Variants in NHS observed in about 807,000 individuals in gnomAD.
The protein encoded by NHS is actin remodeling regulator NHS.
A neutral mutation model predicts 72.5 loss-of-function variants in NHS; 5 were observed. The observed-to-expected ratio is 0.07, with a 90% CI of 0.04 to 0.14. NHS has a LOEUF of 0.14. NHS is among the 10% of genes least tolerant of loss of function. The pLI is 1.00. For missense variants in NHS, 1,072 were observed against 1,355.7 expected (o/e 0.79, Z 3.29); for synonymous variants, 464 against 547.7 (o/e 0.85, Z 2.13).
intron 1 of NHS, among the ~76,000 whole-genome samples, chrX:17,484,181 A>G (rs2064958147): frequency 8.9e-6 from 1 of 112,315 alleles, no homozygotes; most frequent in Non-Finnish European, 1.9e-5. Context: ...GTTGTTTAAC[A>G]TTTACTCTTG....
At chrX:17,501,460 C>T (rs1786487786) in intron 1 of NHS, among the ~76,000 whole-genome samples, 1 of 111,141 alleles carries the variant, frequency 9.0e-6, no homozygotes, top group Non-Finnish European at 1.9e-5. Flanking sequence ...GTGGGGCCCG[C>T]ACAGTGGCTC....
At chrX:17,634,289 A>T (rs1186277813) in intron 1 of NHS, among the ~76,000 whole-genome samples, 3 of 112,488 alleles carry the variant, frequency 2.7e-5, no homozygotes, top group African/African-American at 9.7e-5. Flanking sequence ...CTTGCTGCGC[A>T]TGATTAAGGA....
chrX:17,415,757 A>G (rs185161405), intron 1 of NHS, among the ~76,000 whole-genome samples: 1 of 111,884 alleles, frequency 8.9e-6, no homozygotes, highest in African/African-American at 3.2e-5. Context: ...CAAGTTGGAG[A>G]TGTCTGGACT....
chrX:17,556,165 C>T (rs2065371597), intron 1 of NHS, among the ~76,000 whole-genome samples: 1 of 112,459 alleles, frequency 8.9e-6, no homozygotes, highest in African/African-American at 3.2e-5. Context: ...TGAAATACTT[C>T]CTAGGTTGGG....
chrX:17,568,704 A>G (rs1368035353), intron 1 of NHS, among the ~76,000 whole-genome samples: 1 of 105,670 alleles, frequency 9.5e-6, no homozygotes, highest in African/African-American at 3.5e-5. Context: ...TCTGTGTTAC[A>G]TGTGCAGAAC....
At chrX:17,571,675 G>A (rs770243508) in intron 1 of NHS, among the ~76,000 whole-genome samples, 1 of 111,621 alleles carries the variant, frequency 9.0e-6, no homozygotes, top group South Asian at 3.7e-4. Context: ...CTTCAGTTCT[G>A]CTCTGATCTT....
chrX:17,465,998 T>A (rs1479110134), intron 1 of NHS, among the ~76,000 whole-genome samples: 1 of 113,031 alleles, frequency 8.8e-6, no homozygotes, highest in African/African-American at 3.2e-5. Flanking sequence ...GGACACTGGG[T>A]GTGTAAGCAT....
intron 1 of NHS, chrX:17,586,442 G>A (rs763322263): frequency 8.9e-6 from 1 of 112,369 alleles, no homozygotes; most frequent in South Asian, 3.7e-4. Context: ...TCACCACAGA[G>A]CATTTAATAA....
At chrX:17,633,082 T>A (rs767900310) in intron 1 of NHS, among the ~76,000 whole-genome samples, 21 of 109,154 alleles carry the variant, frequency 1.9e-4, no homozygotes, top group Non-Finnish European at 3.6e-4. Context: ...GGGTTTTTGT[T>A]TTTTTTTTTA....
chrX:17,726,144 A>C lies in NHS; in HGVS notation c.2038A>C (p.Ser680Arg), dbSNP rs2066441654. The stretch of plus-strand genomic sequence containing the variant: ...AGCCCCTCATGCCAATGAGGATGCC[A>C]GTGTTTTCGTGACAGAGCAATACAA... ...NTAPHANEDA[S>R]VFVTEQYNDH... Residue 680 changes from serine (S) to arginine (R), a missense_variant, in exon 7 of 9, where the codon AGT (serine) becomes CGT (arginine). Ser to Arg is a moderately radical substitution (Grantham distance 110, BLOSUM62 -1). Transcript: ENST00000676302. The C allele has an allele frequency of 5.0e-6, 6 of 1,211,989 alleles. No individual in the cohort carries two copies. Among genetic ancestry groups the C allele is most frequent in the Non-Finnish European group, 6.7e-6 (6 of 895,564 alleles).
Position 17,726,902 on chromosome X carries a change from T to C in NHS, c.2796T>C (p.Ile932=). Residue 932 remains isoleucine, a synonymous_variant, in exon 7 of 9, where the codon ATT becomes ATC. Coordinates refer to ENST00000676302, the MANE Select transcript of NHS (RefSeq NM_001291867.2). ...AACCTCAGTTAGATGCTTCGGATAT[T>C]CCACCATTCAAAGATGAAGTTGCCG... The part of the protein sequence containing the change: ...IKEPQLDASD[I]PPFKDEVAES... The C allele has an allele frequency of 8.3e-7, 1 of 1,211,841 alleles. No individual in the cohort carries two copies. The highest frequency in any genetic ancestry group is 1.1e-6 in the Non-Finnish European group (1 of 895,532).
intron 1 of NHS, among the ~76,000 whole-genome samples, chrX:17,657,444 G>A (rs772322351): frequency 2.2e-3 from 243 of 112,670 alleles, no homozygotes; most frequent in Non-Finnish European, 3.7e-3. Context: ...GCAGTTGGAG[G>A]TACAGCTTGG....
chrX:17,559,337 A>G (rs760499046), intron 1 of NHS, among the ~76,000 whole-genome samples: 1 of 112,037 alleles, frequency 8.9e-6, no homozygotes, highest in South Asian at 3.7e-4. Flanking sequence ...TGGCCTTTGC[A>G]TCCAAGAAAG....
intron 1 of NHS, among the ~76,000 whole-genome samples, chrX:17,502,075 TA>T (rs2065038552): frequency 8.9e-6 from 1 of 112,165 alleles, no homozygotes; most frequent in Non-Finnish European, 1.9e-5. Flanking sequence ...TTTTAAGTGC[TA>T]TTCTAAATTG....
chrX:17,385,216 T>C (rs923346931), intron 1 of NHS, among the ~76,000 whole-genome samples: 2 of 112,203 alleles, frequency 1.8e-5, no homozygotes, highest in Non-Finnish European at 3.8e-5. Context: ...TTTGGCTGTA[T>C]TGAATGAGTA....
rs1207868668 is a variant in NHS, at chrX:17,727,036, G to A, written c.2930G>A (p.Cys977Tyr). Reference protein sequence around the residue: ...STATGTTVIECIKSPESSESQ... With the variant: ...STATGTTVIEYIKSPESSESQ... ...GCTACGGGTACCACAGTCATTGAAT[G>A]CATCAAATCTCCAGAGAGCTCTGAA... Residue 977 changes from cysteine to tyrosine, a missense_variant, in exon 7 of 9, where the codon TGC (cysteine) becomes TAC (tyrosine). Transcript: ENST00000676302. 1.7e-6 allele frequency: 2 copies of A among 1,209,987 alleles called. No homozygotes were observed. Among genetic ancestry groups the A allele is most frequent in the South Asian group, 3.5e-5 (2 of 56,796 alleles).
intron 1 of NHS, among the ~76,000 whole-genome samples, chrX:17,474,075 C>T (rs1267871252): frequency 9.0e-6 from 1 of 111,608 alleles, no homozygotes; most frequent in Non-Finnish European, 1.9e-5. Flanking sequence ...TCTCCCTCCT[C>T]CCACCTTCCA....
chrX:17,688,663 CAACCT>C (rs2066178289), intron 2 of NHS, among the ~76,000 whole-genome samples: 2 of 111,746 alleles, frequency 1.8e-5, no homozygotes, highest in South Asian at 7.6e-4. Flanking sequence ...TACCAGGACC[CAACCT>C]AAGCCTCTGA....
intron 1 of NHS, among the ~76,000 whole-genome samples, chrX:17,378,183 C>T (rs1448740308): frequency 3.6e-5 from 4 of 111,104 alleles, no homozygotes; most frequent in African/African-American, 1.3e-4. Context: ...CAGCAGTGGG[C>T]AGTTATGTAC....
Sources: gnomAD v4.1 joint callset for allele counts (sites outside exome capture counted in the v4.1 genomes callset) on GRCh38, gnomAD v4.1.1 for gene constraint, MANE v1.5 for transcripts, NCBI Gene and HGNC (gene_info 2026-07-23, HGNC 2026-07-21) for gene names.